Variants in EIF4G3 observed in about 807,000 individuals in gnomAD.
The protein encoded by EIF4G3 is eIF-4-gamma 3.
EIF4G3 carries 34 observed loss-of-function variants against 186.4 expected under a neutral mutation model. That is an observed-to-expected ratio of 0.18 (90% CI 0.14 to 0.24). EIF4G3 has a LOEUF of 0.24. EIF4G3 is among the 10% of genes least tolerant of loss of function. The pLI is 1.00. For synonymous variants in EIF4G3, 673 were observed against 679.5 expected, an observed-to-expected ratio of 0.99 and a Z score of 0.15; for missense variants, 1,536 against 1,948.5, an observed-to-expected ratio of 0.79 and a Z score of 3.99.
At chr1:21,002,626 TA>T in intron 5 of EIF4G3, 86 bp downstream of exon 5, 3 of 1,363,816 alleles carry the variant, frequency 2.2e-6, no homozygotes, top group Admixed American at 2.4e-5. Flanking sequence ...CAAAATCCAG[TA>T]AAAATATTTG....
At position 20,810,157 on chromosome 1, in the gene EIF4G3, G is replaced by C. The variant is rs1376413580; in HGVS notation, c.4744+581C>G. ...ACACCTAGCCAATTTTTGTATTTTTGTATTTTTTTTTTTTTTGAGATAGAG... is the reference window on the plus strand; with the variant it reads ...ACACCTAGCCAATTTTTGTATTTTTCTATTTTTTTTTTTTTTGAGATAGAG... On this transcript the variant is annotated intron_variant, in intron 36 of 36. Transcript: ENST00000602326. The surrounding 1 kb of genome is among the most constrained non-coding windows in gnomAD (Gnocchi z 4.1). 2.0e-5 allele frequency among the ~76,000 whole-genome samples: 3 copies of C among 146,388 alleles called. No homozygotes were observed. Among genetic ancestry groups the C allele is most frequent in the Admixed American group, 6.8e-5 (1 of 14,720 alleles).
intron 4 of EIF4G3, 75 bp from the exon 5 acceptor site, chr1:21,002,883 T>A: frequency 1.1e-6 from 1 of 889,724 alleles, no homozygotes; most frequent in Non-Finnish European, 1.8e-6. Flanking sequence ...AGATGTTTTA[T>A]AAAAGTTTAC....
At chr1:20,931,712 G>A (rs2095319030) in intron 14 of EIF4G3, among the ~76,000 whole-genome samples, 1 of 152,130 alleles carries the variant, frequency 6.6e-6, no homozygotes, top group Non-Finnish European at 1.5e-5. Flanking sequence ...AGATCATGCG[G>A]TCAAGAGATT....
At position 20,861,545 on chromosome 1, in the gene EIF4G3, G is replaced by C. The variant is rs185297166; in HGVS notation, c.3111+683C>G. ...CAAGGTAGGCAACATCCTCATTTTA[G>C]AGATTAAAAATGTAAGGCTCAGAGA... On this transcript the variant is annotated intron_variant, in intron 23 of 36. Transcript: ENST00000602326. Among the ~76,000 whole-genome samples, 66 of 152,332 alleles carry C rather than the reference G, an allele frequency of 4.3e-4. No individual in the cohort carries two copies. The East Asian group carries it at 0.011, about 25-fold the overall frequency.
At chr1:20,946,899 A>C (rs915642039) in intron 13 of EIF4G3, among the ~76,000 whole-genome samples, 1 of 152,172 alleles carries the variant, frequency 6.6e-6, no homozygotes, top group Non-Finnish European at 1.5e-5. Flanking sequence ...TGTGTAACTG[A>C]GTACAAACTC....
At chr1:21,134,144 G>A (rs542730361) in intron 2 of EIF4G3, among the ~76,000 whole-genome samples, 90 of 152,070 alleles carry the variant, frequency 5.9e-4, no homozygotes, top group Admixed American at 2.4e-3. Context: ...CAAAATATTG[G>A]GTATTAATAC....
intron 14 of EIF4G3, among the ~76,000 whole-genome samples, chr1:20,939,835 C>A (rs921417818): frequency 6.6e-6 from 1 of 150,662 alleles, no homozygotes; most frequent in African/African-American, 2.4e-5. Context: ...CACACCAACA[C>A]CAAGTTGTTT....
chr1:20,869,306 A>ATTTTTTTTTTTTTTTTTTTTT (rs954573350), intron 20 of EIF4G3, among the ~76,000 whole-genome samples: 1 of 97,396 alleles, frequency 1.0e-5, no homozygotes, highest in African/African-American at 4.2e-5. Context: ...TTACTTTAAA[A>ATTTTTTTTTTTTTTTTTTTTT]TTTTTTTTTT....
At chr1:21,084,104 TC>T (rs1360401986) in intron 3 of EIF4G3, among the ~76,000 whole-genome samples, 1 of 152,012 alleles carries the variant, frequency 6.6e-6, no homozygotes, top group Non-Finnish European at 1.5e-5. Context: ...TCACACCTAC[TC>T]CTCTTAATCC....
chr1:21,176,773 C>T lies in EIF4G3; in HGVS notation c.-507G>A, dbSNP rs2098120258. The T allele has an allele frequency of 2.9e-6, 2 of 700,246 alleles. No individual in the cohort carries two copies. Among genetic ancestry groups the T allele is most frequent in the Admixed American group, 4.0e-5 (2 of 49,688 alleles). The allele number at this position is 700,246 out of a possible 1,614,324, so 43.4% of individuals were successfully genotyped here. On this transcript the variant is annotated 5_prime_UTR_variant, in exon 1 of 37. Coordinates refer to ENST00000602326, the MANE Select transcript of EIF4G3 (RefSeq NM_001391906.1). Reference sequence around the variant, plus strand: ...GGCGGCGGGGGATCTTTATCCCCCTCCCCGGAGGAAGCGGCGCCCTTCTCG... The same window carrying T: ...GGCGGCGGGGGATCTTTATCCCCCTTCCCGGAGGAAGCGGCGCCCTTCTCG...
At chr1:20,956,077 C>A (rs115281207) in intron 12 of EIF4G3, among the ~76,000 whole-genome samples, 7 of 152,162 alleles carry the variant, frequency 4.6e-5, no homozygotes, top group Admixed American at 2.6e-4. Context: ...ATAATGGTAA[C>A]AATAATTCCA....
At position 20,810,929 on chromosome 1, in the gene EIF4G3, A is replaced by G. The variant is rs1490839261; in HGVS notation, c.4598-45T>C. The G allele has an allele frequency of 1.3e-6, 2 of 1,557,980 alleles. No individual in the cohort carries two copies. Among genetic ancestry groups the G allele is most frequent in the Non-Finnish European group, 1.7e-6 (2 of 1,143,260 alleles). ...TAGGAATTACATTTAAGGAGTTAAC[A>G]TAGAATTATCTTTAATTTTCTTTCT... On this transcript the variant is annotated intron_variant, in intron 35 of 36. Coordinates refer to ENST00000602326, the MANE Select transcript of EIF4G3 (RefSeq NM_001391906.1). The surrounding 1 kb of genome is among the most constrained non-coding windows in gnomAD (Gnocchi z 4.1).
At chr1:21,091,811 A>T (rs2096212925) in intron 2 of EIF4G3, among the ~76,000 whole-genome samples, 1 of 152,154 alleles carries the variant, frequency 6.6e-6, no homozygotes, top group Non-Finnish European at 1.5e-5. Flanking sequence ...ATTGGTATAT[A>T]AGAATGCTTG....
intron 18 of EIF4G3, among the ~76,000 whole-genome samples, chr1:20,889,350 G>C (rs1162222422): frequency 6.6e-6 from 1 of 152,110 alleles, no homozygotes; most frequent in Non-Finnish European, 1.5e-5. Flanking sequence ...TTTTATGATT[G>C]ATCAGTTTAT....
intron 23 of EIF4G3, 101 bp from the exon 24 acceptor site, chr1:20,860,618 C>A (rs549934511): frequency 3.0e-6 from 4 of 1,321,516 alleles, no homozygotes; most frequent in African/African-American, 1.5e-5. Context: ...AAAATACCTA[C>A]AAAAGCTGTA....
Position 20,895,332 on chromosome 1 carries a change from C to A in EIF4G3, c.2133+36G>T, listed in dbSNP as rs764546472. ...TCTTATAGTTAAAATCAGTTCCCAC[C>A]AAAAAGAACTAGTTTTCTCTGAGTA... On this transcript the variant is annotated intron_variant, in intron 17 of 36. Transcript: ENST00000602326. The A allele has an allele frequency of 3.8e-6, 6 of 1,593,634 alleles. No homozygotes were observed. In the South Asian group the frequency reaches 5.6e-5, roughly 15 times the overall value.
At chr1:21,144,315 C>T (rs1261759374) in intron 2 of EIF4G3, among the ~76,000 whole-genome samples, 1 of 152,176 alleles carries the variant, frequency 6.6e-6, no homozygotes, top group Non-Finnish European at 1.5e-5. Flanking sequence ...CTGGCACAAT[C>T]ATAACTCATT....
chr1:21,062,945 G>A (rs757973072), intron 3 of EIF4G3, among the ~76,000 whole-genome samples: 14 of 152,132 alleles, frequency 9.2e-5, no homozygotes, highest in South Asian at 2.1e-4. Flanking sequence ...GAATATAAAG[G>A]ATAGGCAGGA....
At chr1:20,890,182 A>G (rs1042810580) in intron 18 of EIF4G3, among the ~76,000 whole-genome samples, 4 of 151,982 alleles carry the variant, frequency 2.6e-5, no homozygotes, top group African/African-American at 9.7e-5. Context: ...CATGTTGGCC[A>G]GGCTGGTCTC....
Sources: allele counts gnomAD v4.1 joint callset (sites outside exome capture counted in the v4.1 genomes callset), GRCh38; gene constraint gnomAD v4.1.1; non-coding constraint Gnocchi (gnomAD v3.1); transcripts MANE v1.5; gene names NCBI Gene and HGNC (gene_info 2026-07-23, HGNC 2026-07-21).